RBFOX1: variants seen among roughly 807,000 people sequenced by gnomAD.
RBFOX1 encodes the protein RNA binding protein fox-1 homolog 1.
A neutral mutation model predicts 57.7 loss-of-function variants in RBFOX1; 8 were observed. That is an observed-to-expected ratio of 0.14 (90% CI 0.08 to 0.25). The LOEUF is 0.25. Among genes scored for constraint, RBFOX1 ranks in the 10% least tolerant of loss-of-function variants. The pLI is 1.00. For synonymous variants in RBFOX1, 326 were observed against 222.4 expected, an observed-to-expected ratio of 1.47 and a Z score of -4.15; for missense variants, 611 against 548.5, an observed-to-expected ratio of 1.11 and a Z score of -1.14.
At chr16:6,015,348 A>G (rs1232001102), upstream of RBFOX1, among the ~76,000 whole-genome samples, 1 of 152,228 alleles carries the variant, frequency 6.6e-6, no homozygotes, top group Non-Finnish European at 1.5e-5. Flanking sequence ...ATATAAGATA[A>G]TAATGGAGAA....
chr16:5,394,575 T>C (rs1390455552), intron 1 of RBFOX1, among the ~76,000 whole-genome samples: 1 of 151,330 alleles, frequency 6.6e-6, no homozygotes, highest in African/African-American at 2.4e-5. Flanking sequence ...CTTTTTTTTT[T>C]TTTTTTGACA....
intron 2 of RBFOX1, among the ~76,000 whole-genome samples, chr16:6,463,211 A>G (rs1037539027): frequency 6.6e-6 from 1 of 152,186 alleles, no homozygotes; most frequent in Non-Finnish European, 1.5e-5. Context: ...GAAATCTAAC[A>G]TGCATTATTT....
chr16:6,685,358 C>G (rs778948781), intron 3 of RBFOX1, among the ~76,000 whole-genome samples: 51 of 149,114 alleles, frequency 3.4e-4, no homozygotes, highest in Non-Finnish European at 6.5e-4. Flanking sequence ...TCACTGCAAC[C>G]TCCGCCTCCC....
intron 4 of RBFOX1, among the ~76,000 whole-genome samples, chr16:5,941,017 T>A (rs2059267425): frequency 1.3e-5 from 2 of 152,184 alleles, no homozygotes. Context: ...ATAACATACT[T>A]ATCTACTGGT....
At position 5,579,760 on chromosome 16, in the gene RBFOX1, CT is replaced by C. The variant is rs113942886; in HGVS notation, c.259-19129del. Among the ~76,000 whole-genome samples, 1,162 of 144,092 alleles carry C rather than the reference CT, an allele frequency of 8.1e-3. 7 individuals carry two copies. The highest frequency in any genetic ancestry group is 0.023 in the African/African-American group (892 of 39,078). The allele number at this position is 144,092 out of a possible 152,430, so 94.5% of individuals were successfully genotyped here. A position where few individuals can be genotyped will look rare whatever the true frequency, so the allele number is the denominator to read the frequency against. Reference sequence around the variant, plus strand: ...GCCCAGTTAATTCTTTTCTTTCTTTCTTTTTTTTTTTTTCCTTGAGAAGGAG... The same window carrying C: ...GCCCAGTTAATTCTTTTCTTTCTTTCTTTTTTTTTTTTCCTTGAGAAGGAG... On this transcript the variant is annotated intron_variant, in intron 2 of 2. Transcript: ENST00000585867.
chr16:6,451,351 T>G (rs1446557176), intron 2 of RBFOX1, among the ~76,000 whole-genome samples: 3 of 152,158 alleles, frequency 2.0e-5, no homozygotes, highest in African/African-American at 7.2e-5. Context: ...TGCTATGTTC[T>G]GCTTAACTAT....
At chr16:6,956,910 G>C (rs191710851) in intron 3 of RBFOX1, among the ~76,000 whole-genome samples, 75 of 152,056 alleles carry the variant, frequency 4.9e-4, no homozygotes, top group African/African-American at 1.7e-3. Flanking sequence ...TGTGTTACCA[G>C]GAAGGGGTCC....
intron 2 of RBFOX1, among the ~76,000 whole-genome samples, chr16:6,361,844 G>A (rs1053529429): frequency 2.0e-5 from 3 of 152,090 alleles, no homozygotes; most frequent in Admixed American, 6.5e-5. Context: ...TGCTAGGGAA[G>A]GAAAAGGAAT....
At chr16:6,986,315 C>A (rs1380819228) in intron 3 of RBFOX1, among the ~76,000 whole-genome samples, 2 of 152,098 alleles carry the variant, frequency 1.3e-5, no homozygotes, top group Non-Finnish European at 2.9e-5. Context: ...ACTCTTGCCT[C>A]AGCCTCCCGA....
intron 4 of RBFOX1, among the ~76,000 whole-genome samples, chr16:7,353,663 T>C (rs999566081): frequency 9.9e-5 from 15 of 152,234 alleles, no homozygotes; most frequent in African/African-American, 3.6e-4. Context: ...GTAGTGTGGA[T>C]GAACCTTGAG....
At chr16:5,546,435 G>A (rs2045209505) in intron 2 of RBFOX1, among the ~76,000 whole-genome samples, 1 of 152,192 alleles carries the variant, frequency 6.6e-6, no homozygotes, top group Non-Finnish European at 1.5e-5. Flanking sequence ...CAAAGCTATT[G>A]TAATCAAGAC....
At chr16:6,629,710 T>C (rs532555187) in intron 2 of RBFOX1, among the ~76,000 whole-genome samples, 12 of 152,290 alleles carry the variant, frequency 7.9e-5, no homozygotes, top group Admixed American at 3.3e-4. Flanking sequence ...ATTTGACATA[T>C]AGGTGGATCA....
chr16:6,877,428 G>C (rs552678414), intron 3 of RBFOX1, among the ~76,000 whole-genome samples: 14 of 152,076 alleles, frequency 9.2e-5, no homozygotes, highest in Admixed American at 8.5e-4. Flanking sequence ...AAATCACAGA[G>C]ACAAGCAAAA....
intron 3 of RBFOX1, among the ~76,000 whole-genome samples, chr16:5,775,751 A>G (rs538731831): frequency 5.6e-4 from 86 of 152,372 alleles, no homozygotes; most frequent in African/African-American, 2.0e-3. Context: ...GAATGCTGCA[A>G]TGTCCACTAA....
intron 1 of RBFOX1, among the ~76,000 whole-genome samples, chr16:6,160,455 G>C (rs2096869840): frequency 6.6e-6 from 1 of 152,020 alleles, no homozygotes; most frequent in African/African-American, 2.4e-5. Flanking sequence ...CTTCCCTTTT[G>C]TATCTGGGGC....
At chr16:6,457,446 C>CCCCCA (rs764092740) in intron 2 of RBFOX1, among the ~76,000 whole-genome samples, 7 of 131,736 alleles carry the variant, frequency 5.3e-5, no homozygotes, top group Non-Finnish European at 1.2e-4. Context: ...AGTCCCCCCC[C>CCCCCA]CCGCAATAGC....
intron 4 of RBFOX1, among the ~76,000 whole-genome samples, chr16:7,235,932 G>A (rs2093744172): frequency 6.6e-6 from 1 of 152,112 alleles, no homozygotes; most frequent in Non-Finnish European, 1.5e-5. Flanking sequence ...CTCTCTTAAT[G>A]ACAGCCAATT....
chr16:6,645,724 G>C (rs1280301243), intron 2 of RBFOX1, among the ~76,000 whole-genome samples: 2 of 152,140 alleles, frequency 1.3e-5, no homozygotes, highest in African/African-American at 4.8e-5. Context: ...GTTTCACAAA[G>C]CCTGTTGGAA....
chr16:7,507,508 C>G (rs2073707514), intron 4 of RBFOX1, among the ~76,000 whole-genome samples: 1 of 150,352 alleles, frequency 6.7e-6, no homozygotes, highest in Non-Finnish European at 1.5e-5. Flanking sequence ...CTCAGAGATT[C>G]TGAGGCAGTA....
Sources: gnomAD v4.1 joint callset for allele counts (sites outside exome capture counted in the v4.1 genomes callset) on GRCh38, gnomAD v4.1.1 for gene constraint, MANE v1.5 for transcripts, NCBI Gene and HGNC (gene_info 2026-07-23, HGNC 2026-07-21) for gene names.